TAOK1: variants seen among roughly 807,000 people sequenced by gnomAD.
TAOK1 encodes TAO kinase 1, also known as serine/threonine-protein kinase TAO1.
A neutral mutation model predicts 138.3 loss-of-function variants in TAOK1; 21 were observed. The observed-to-expected ratio is 0.15, with a 90% CI of 0.11 to 0.22. The LOEUF is 0.22. Ranked by LOEUF, TAOK1 falls within the 10% of genes least tolerant of loss-of-function variation. The pLI, the probability that TAOK1 is intolerant of heterozygous loss-of-function variation, is 1.00. For synonymous variants in TAOK1, 361 were observed against 398.4 expected (o/e 0.91, Z 1.12); for missense variants, 651 against 1,227.7 (o/e 0.53, Z 7.02).
chr17:29,420,560 A>G lies in TAOK1; in HGVS notation c.-95+29536A>G, dbSNP rs570467218. Among the ~76,000 whole-genome samples, 43 of 141,308 alleles carry G rather than the reference A, an allele frequency of 3.0e-4. No individual in the cohort carries two copies. The East Asian group carries it at 8.6e-3, about 28-fold the overall frequency. The allele number at this position is 141,308 out of a possible 152,430, so 92.7% of individuals were successfully genotyped here. On this transcript the variant is annotated intron_variant, in intron 1 of 19. Transcript: ENST00000261716. ...GGTGGATATCCTTGTCTTATTCCCT[A>G]TCTTATGAGGAAAATACTTAATCTG...
chr17:29,448,281 C>A (rs1164422337), intron 1 of TAOK1, among the ~76,000 whole-genome samples: 1 of 151,916 alleles, frequency 6.6e-6, no homozygotes, highest in African/African-American at 2.4e-5. Context: ...GGCTATTAGG[C>A]GCTCTCAAAA....
At chr17:29,458,481 A>G (rs555149033) in intron 2 of TAOK1, among the ~76,000 whole-genome samples, 68 of 152,128 alleles carry the variant, frequency 4.5e-4, no homozygotes, top group Non-Finnish European at 8.2e-4. Flanking sequence ...TAGTATTTCA[A>G]TATGGTTTTT....
chr17:29,479,725 A>G (rs1212757162), intron 6 of TAOK1, among the ~76,000 whole-genome samples: 2 of 152,158 alleles, frequency 1.3e-5, no homozygotes, highest in African/African-American at 4.8e-5. Flanking sequence ...TTAAGTATAT[A>G]TTATAATGCT....
intron 1 of TAOK1, among the ~76,000 whole-genome samples, chr17:29,427,280 T>G (rs1273105661): frequency 1.3e-5 from 2 of 152,092 alleles, no homozygotes; most frequent in Non-Finnish European, 1.5e-5. Context: ...GCAGGAAGAT[T>G]GAGTAATTCT....
intron 12 of TAOK1, among the ~76,000 whole-genome samples, chr17:29,501,538 A>G (rs1472915286): frequency 1.3e-5 from 2 of 152,136 alleles, no homozygotes; most frequent in African/African-American, 4.8e-5. Context: ...ATTTTTTACA[A>G]CTGTTTTTGT....
chr17:29,456,826 C>T (rs757086420), intron 2 of TAOK1, among the ~76,000 whole-genome samples: 33 of 149,952 alleles, frequency 2.2e-4, no homozygotes, highest in South Asian at 1.9e-3. Context: ...TTCTGCCTCC[C>T]GGGTTCACTC....
chr17:29,397,607 C>CCCCCCAAA (rs60665025), intron 1 of TAOK1, among the ~76,000 whole-genome samples: 1 of 94,614 alleles, frequency 1.1e-5, no homozygotes, highest in East Asian at 2.8e-4. Flanking sequence ...CGTCCCCCCC[C>CCCCCCAAA]AAAAAAATAT....
chr17:29,426,196 G>C (rs1405658881), intron 1 of TAOK1, among the ~76,000 whole-genome samples: 1 of 152,138 alleles, frequency 6.6e-6, no homozygotes, highest in Non-Finnish European at 1.5e-5. Flanking sequence ...GAATCAGTTT[G>C]ATTCATGGTT....
At chr17:29,482,892 TGTTAA>T (rs2031092977) in intron 8 of TAOK1, among the ~76,000 whole-genome samples, 1 of 152,114 alleles carries the variant, frequency 6.6e-6, no homozygotes. Context: ...GCACACATTT[TGTTAA>T]GTTGTTCATA....
chr17:29,453,510 T>C (rs2030295630), intron 2 of TAOK1, among the ~76,000 whole-genome samples: 1 of 152,048 alleles, frequency 6.6e-6, no homozygotes, highest in African/African-American at 2.4e-5. Context: ...CTTAGCCTCC[T>C]GAAGTGTTGG....
intron 17 of TAOK1, among the ~76,000 whole-genome samples, chr17:29,528,839 C>CAAAA (rs58073512): frequency 6.9e-4 from 48 of 69,410 alleles, no homozygotes; most frequent in East Asian, 1.5e-3. Flanking sequence ...GACTCCGTCT[C>CAAAA]AAAAAAAAAA....
intron 3 of TAOK1, 117 bp from the exon 4 acceptor site, chr17:29,475,553 C>T: frequency 1.4e-6 from 1 of 700,682 alleles, no homozygotes; most frequent in East Asian, 2.9e-5. Flanking sequence ...ATAAGTAAAA[C>T]CAAGCAAAGT....
In TAOK1 at chr17:29,551,035, A is replaced by G. The variant is rs534488868; in HGVS notation, c.*8013A>G. Reference sequence around the variant, plus strand: ...AAAAAAGAAAAAAAGCTGTAACCTTATCATTTCTGAGTAGACCATTGAGCG... The same window carrying G: ...AAAAAAGAAAAAAAGCTGTAACCTTGTCATTTCTGAGTAGACCATTGAGCG... On this transcript the variant is annotated 3_prime_UTR_variant, in exon 20 of 20. Coordinates refer to ENST00000261716, the MANE Select transcript of TAOK1 (RefSeq NM_020791.4). 3.3e-5 allele frequency: 5 copies of G among 152,360 alleles called. No individual in the cohort carries two copies. Among genetic ancestry groups the G allele is most frequent in the Admixed American group, 2.6e-4 (4 of 15,282 alleles). The allele number at this position is 152,360 out of a possible 1,614,324, so 9.4% of individuals were successfully genotyped here.
chr17:29,502,487 C>A, intron 12 of TAOK1, 102 bp from the exon 13 acceptor site: 1 of 1,317,108 alleles, frequency 7.6e-7, no homozygotes. Flanking sequence ...AAAATTATGT[C>A]TTTGAGATTG....
At chr17:29,417,563 C>G (rs556037909) in intron 1 of TAOK1, among the ~76,000 whole-genome samples, 1 of 152,298 alleles carries the variant, frequency 6.6e-6, no homozygotes, top group Non-Finnish European at 1.5e-5. Flanking sequence ...ACCATTGCCT[C>G]AGGCCCATGG....
intron 13 of TAOK1, among the ~76,000 whole-genome samples, chr17:29,503,778 C>T (rs1437724583): frequency 6.6e-6 from 1 of 151,868 alleles, no homozygotes; most frequent in Non-Finnish European, 1.5e-5. Context: ...AGTTTGAGAC[C>T]AGCCTGGGCA....
At chr17:29,416,072 G>C (rs1905257160) in intron 1 of TAOK1, among the ~76,000 whole-genome samples, 1 of 152,056 alleles carries the variant, frequency 6.6e-6, no homozygotes, top group Non-Finnish European at 1.5e-5. Flanking sequence ...AGACCAGCCT[G>C]GCCAACATGA....
intron 10 of TAOK1, among the ~76,000 whole-genome samples, chr17:29,493,121 T>G (rs1001852476): frequency 6.6e-6 from 1 of 151,658 alleles, no homozygotes; most frequent in Non-Finnish European, 1.5e-5. Flanking sequence ...GCCTGGGCGA[T>G]AGAGTGAGAC....
chr17:29,447,931 C>T (rs2030132416), intron 1 of TAOK1, among the ~76,000 whole-genome samples: 1 of 146,200 alleles, frequency 6.8e-6, no homozygotes, highest in Admixed American at 6.9e-5. Flanking sequence ...GCTGGGATTA[C>T]AGGCGTGAGC....
Sources: allele counts gnomAD v4.1 joint callset (sites outside exome capture counted in the v4.1 genomes callset), GRCh38; gene constraint gnomAD v4.1.1; transcripts MANE v1.5; gene names NCBI Gene and HGNC (gene_info 2026-07-23, HGNC 2026-07-21).